CNTNAP2: variants seen among roughly 807,000 people sequenced by gnomAD.
CNTNAP2 encodes contactin-associated protein-like 2.
Under a neutral mutation model 155.2 loss-of-function variants are expected in CNTNAP2, and 98 were observed. The observed-to-expected ratio is 0.63, with a 90% CI of 0.54 to 0.75. CNTNAP2 has a LOEUF of 0.75. CNTNAP2 is among the 30% of genes least tolerant of loss of function. The probability of loss-of-function intolerance (pLI) is 0.00; values close to 1 mark genes in which losing one functional copy is unlikely to be tolerated. For missense variants in CNTNAP2, 1,727 were observed against 1,688.1 expected (o/e 1.02, Z -0.40); for synonymous variants, 651 against 631.2 (o/e 1.03, Z -0.47).
At chr7:146,398,189 T>TTTA in intron 1 of CNTNAP2, among the ~76,000 whole-genome samples, 1 of 146,880 alleles carries the variant, frequency 6.8e-6, no homozygotes, top group East Asian at 1.9e-4. Context: ...CCAAACTTTT[T>TTTA]TTTTTTTTTT....
chr7:147,598,414 C>A (rs576076262), intron 12 of CNTNAP2, among the ~76,000 whole-genome samples: 13 of 152,078 alleles, frequency 8.5e-5, no homozygotes, highest in Admixed American at 2.0e-4. Context: ...CTCCCACTTA[C>A]GAGTGAGAAC....
chr7:147,505,437 C>T (rs558609687), intron 11 of CNTNAP2, among the ~76,000 whole-genome samples: 1 of 152,072 alleles, frequency 6.6e-6, no homozygotes, highest in African/African-American at 2.4e-5. Flanking sequence ...ATGCAAAAAT[C>T]TCTTTTATTA....
intron 15 of CNTNAP2, among the ~76,000 whole-genome samples, chr7:147,983,123 G>GTGA (rs1801561105): frequency 2.0e-5 from 3 of 151,142 alleles, no homozygotes; most frequent in Non-Finnish European, 2.9e-5. Flanking sequence ...GGCGCACATG[G>GTGA]CAGTAACTCT....
At chr7:146,971,284 G>T (rs1207282905) in intron 3 of CNTNAP2, among the ~76,000 whole-genome samples, 1 of 152,024 alleles carries the variant, frequency 6.6e-6, no homozygotes, top group Non-Finnish European at 1.5e-5. Flanking sequence ...CTTAATAAAT[G>T]TTGACCTCTG....
intron 21 of CNTNAP2, among the ~76,000 whole-genome samples, chr7:148,334,375 G>A (rs895590231): frequency 6.6e-6 from 1 of 152,178 alleles, no homozygotes; most frequent in Non-Finnish European, 1.5e-5. Context: ...AGTCAATCGG[G>A]TGGCCTACCA....
At chr7:148,367,360 G>GA (rs1798803623) in intron 21 of CNTNAP2, among the ~76,000 whole-genome samples, 1 of 151,742 alleles carries the variant, frequency 6.6e-6, no homozygotes, top group Non-Finnish European at 1.5e-5. Flanking sequence ...AAAATCAGAA[G>GA]AAAAAAATGA....
At chr7:146,370,690 A>T (rs569603764) in intron 1 of CNTNAP2, among the ~76,000 whole-genome samples, 91 of 152,244 alleles carry the variant, frequency 6.0e-4, no homozygotes, top group African/African-American at 2.2e-3. Context: ...AAATTTTAAT[A>T]TCAGCGTGCC....
At position 147,907,346 on chromosome 7, in the gene CNTNAP2, G is replaced by A. The variant is rs572919354; in HGVS notation, c.2255+3625G>A. On this transcript the variant is annotated intron_variant, in intron 14 of 23. Transcript: ENST00000361727. ...GCTGGGATTACAGGCTTGAGCCATC[G>A]CGCCCAGCCATGAATGTTTTTTATA... Among the ~76,000 whole-genome samples the A allele has an allele frequency of 1.9e-3, 296 of 152,206 alleles. 3 individuals carry two copies. The South Asian group carries it at 0.029, about 15-fold the overall frequency.
chr7:146,650,746 T>C (rs1799897154), intron 1 of CNTNAP2, among the ~76,000 whole-genome samples: 1 of 152,150 alleles, frequency 6.6e-6, no homozygotes, highest in South Asian at 2.1e-4. Flanking sequence ...AAAGAGTACA[T>C]TGTAAGTCAT....
intron 13 of CNTNAP2, among the ~76,000 whole-genome samples, chr7:147,830,765 C>G (rs1411231552): frequency 2.0e-5 from 3 of 152,186 alleles, no homozygotes; most frequent in Non-Finnish European, 4.4e-5. Flanking sequence ...TCATTCCATA[C>G]AGCATTCTCT....
At chr7:147,422,161 G>GTA (rs546773766) in intron 10 of CNTNAP2, among the ~76,000 whole-genome samples, 66 of 136,492 alleles carry the variant, frequency 4.8e-4, no homozygotes, top group African/African-American at 2.1e-3. Context: ...TATATATACA[G>GTA]TATATATATA....
intron 12 of CNTNAP2, among the ~76,000 whole-genome samples, chr7:147,586,197 C>T (rs1563009468): frequency 2.0e-5 from 3 of 151,946 alleles, no homozygotes; most frequent in African/African-American, 7.3e-5. Flanking sequence ...GTTGTGGAGA[C>T]AAAGGTTTTA....
At position 146,275,906 on chromosome 7, in the gene CNTNAP2, C is replaced by T. The variant is rs781166560; in HGVS notation, c.97+158933C>T. ...GCTTCCTAGCAAAATTTGGCAATGC[C>T]TGGAGACATTTTTGTTTGTCACAAG... On this transcript the variant is annotated intron_variant, in intron 1 of 23. Transcript: ENST00000361727. Among the ~76,000 whole-genome samples the T allele has an allele frequency of 2.6e-5, 4 of 152,274 alleles. No individual in the cohort carries two copies. In the East Asian group the frequency reaches 7.7e-4, roughly 29 times the overall value.
chr7:146,535,501 T>G (rs1797854197), intron 1 of CNTNAP2, among the ~76,000 whole-genome samples: 1 of 111,662 alleles, frequency 9.0e-6, no homozygotes, highest in African/African-American at 5.0e-5. Flanking sequence ...TTTTTACTTC[T>G]TTTTAAGTAA....
chr7:147,463,746 A>G (rs1798064769), intron 10 of CNTNAP2, among the ~76,000 whole-genome samples: 1 of 152,174 alleles, frequency 6.6e-6, no homozygotes, highest in Non-Finnish European at 1.5e-5. Flanking sequence ...TTTACAACAA[A>G]CATTGCCTTC....
chr7:146,878,653 G>A (rs1038554205), intron 3 of CNTNAP2, among the ~76,000 whole-genome samples: 1 of 152,178 alleles, frequency 6.6e-6, no homozygotes, highest in East Asian at 1.9e-4. Flanking sequence ...TAAATTGACA[G>A]CGCCTGTTTC....
At chr7:147,599,515 C>T (rs1157034919) in intron 12 of CNTNAP2, among the ~76,000 whole-genome samples, 1 of 148,558 alleles carries the variant, frequency 6.7e-6, no homozygotes, top group South Asian at 2.1e-4. Context: ...ATACCATGAA[C>T]TAGGTGACAA....
chr7:147,914,207 TAGC>T lies in CNTNAP2; in HGVS notation c.2255+10489_2255+10491del, dbSNP rs150530983. On this transcript the variant is annotated intron_variant, in intron 14 of 23. Transcript: ENST00000361727. ...AAAGTGAAAAAAGCAAGTTGACAAA[TAGC>T]AGGTATAATACGAGTCTGGTGTTTC... 7.8e-3 allele frequency among the ~76,000 whole-genome samples: 1,183 copies of T among 152,076 alleles called. 17 individuals carry two copies. The highest frequency in any genetic ancestry group is 0.027 in the African/African-American group (1,128 of 41,486).
At chr7:147,345,583 G>A (rs945507544) in intron 9 of CNTNAP2, among the ~76,000 whole-genome samples, 1 of 152,140 alleles carries the variant, frequency 6.6e-6, no homozygotes, top group African/African-American at 2.4e-5. Flanking sequence ...CCAACTGCAA[G>A]ACTTTATTTT....
Sources: gnomAD v4.1 joint callset for allele counts (sites outside exome capture counted in the v4.1 genomes callset) on GRCh38, gnomAD v4.1.1 for gene constraint, MANE v1.5 for transcripts, NCBI Gene and HGNC (gene_info 2026-07-23, HGNC 2026-07-21) for gene names.